ZNF382: variants seen among roughly 807,000 people sequenced by gnomAD.
ZNF382 encodes KRAB/zinc finger suppressor protein 1.
Under a neutral mutation model 38.8 loss-of-function variants are expected in ZNF382, and 20 were observed. That is an observed-to-expected ratio of 0.51 (90% CI 0.36 to 0.75). The LOEUF (loss-of-function observed/expected upper bound fraction) is 0.75, where lower values mean the gene tolerates loss of function less well. Ranked by LOEUF, ZNF382 falls within the 30% of genes least tolerant of loss-of-function variation. The pLI is 0.00. For missense variants in ZNF382, 546 were observed against 654.1 expected (o/e 0.83, Z 1.80); for synonymous variants, 202 against 223.1 (o/e 0.91, Z 0.84).
chr19:36,608,429 A>T (rs1020482866), intron 2 of ZNF382: 3 of 152,224 alleles, frequency 2.0e-5, no homozygotes, highest in African/African-American at 7.2e-5. Flanking sequence ...AAGGAAATCC[A>T]TATGCCAGGC....
intron 4 of ZNF382, among the ~76,000 whole-genome samples, chr19:36,617,010 T>C (rs1265505674): frequency 3.3e-5 from 5 of 151,658 alleles, no homozygotes; most frequent in Non-Finnish European, 5.9e-5. Flanking sequence ...AGTGGAGCAG[T>C]GGGAAAAGAG....
chr19:36,610,671 A>G lies in ZNF382; in HGVS notation c.161A>G (p.Asp54Gly). 3 of 1,613,446 alleles carry G rather than the reference A, an allele frequency of 1.9e-6. No homozygotes were observed. The highest frequency in any genetic ancestry group is 1.7e-6 in the Non-Finnish European group (2 of 1,179,608). ...TCAGGGTTTCACATGGCTAAGCCTG[A>G]TATGATCCGCAAGTTGGAACAAGGA... ...VSVGFHMAKPDMIRKLEQGEE... is the reference protein window; with the variant it reads ...VSVGFHMAKPGMIRKLEQGEE... The change falls in exon 4 of 5, where the codon GAT (aspartate) becomes GGT (glycine). Residue 54 changes from aspartate to glycine, a missense_variant. Asp to Gly is a moderately conservative substitution (Grantham distance 94, BLOSUM62 -1). Transcript: ENST00000292928.
At chr19:36,614,210 C>G (rs2037102689) in intron 4 of ZNF382, among the ~76,000 whole-genome samples, 1 of 152,056 alleles carries the variant, frequency 6.6e-6, no homozygotes, top group East Asian at 1.9e-4. Context: ...TATGGTGGCA[C>G]ATGCCTGTAG....
In ZNF382 at chr19:36,627,080, C is replaced by T; in HGVS notation, c.1183C>T (p.Leu395Phe). 1.2e-6 allele frequency: 2 copies of T among 1,614,010 alleles called. No homozygotes were observed. Among genetic ancestry groups the T allele is most frequent in the African/African-American group, 1.3e-5 (1 of 74,968 alleles). The change falls in exon 5 of 5, where the codon CTC becomes TTC. Residue 395 changes from leucine to phenylalanine, a missense_variant. By Grantham distance (22) the Leu-to-Phe change is conservative. Transcript: ENST00000292928. The stretch of plus-strand genomic sequence containing the variant: ...AAGTGCCTTTAGGAAGAAGTCATAC[C>T]TCATTGATCACCAGAGAACTCACAC... ...CGSAFRKKSYLIDHQRTHTGE... is the reference protein window; with the variant it reads ...CGSAFRKKSYFIDHQRTHTGE...
rs1358941759 is a variant in ZNF382 at position 36,628,114 on chromosome 19, C to T, written c.*564C>T. 1.3e-5 allele frequency: 2 copies of T among 152,414 alleles called. No individual in the cohort carries two copies. Among genetic ancestry groups the T allele is most frequent in the East Asian group, 3.9e-4 (2 of 5,180 alleles). 9.4% of individuals were successfully genotyped at this position (152,414 alleles called of 1,614,324 possible). On this transcript the variant is annotated 3_prime_UTR_variant, in exon 5 of 5. Coordinates refer to ENST00000292928, the MANE Select transcript of ZNF382 (RefSeq NM_032825.5). ...TACAGCTTATTACCTTCATCATGTC[C>T]GTGAGTCTAATCATTAGTACGTGTG...
intron 4 of ZNF382, among the ~76,000 whole-genome samples, chr19:36,612,270 A>G (rs1444782738): frequency 6.6e-6 from 1 of 152,202 alleles, no homozygotes; most frequent in Non-Finnish European, 1.5e-5. Context: ...TGAGAGATTT[A>G]TACATGTTTC....
Position 36,627,710 on chromosome 19 carries a change from A to ACACACAC in ZNF382, c.*160_*161insCACACAC. 5.5e-6 allele frequency: 3 copies of ACACACAC among 548,036 alleles called. No individual in the cohort carries two copies. Among genetic ancestry groups the ACACACAC allele is most frequent in the African/African-American group, 1.9e-5 (1 of 53,150 alleles). 33.9% of individuals were successfully genotyped at this position (548,036 alleles called of 1,614,324 possible). A position where few individuals can be genotyped will look rare whatever the true frequency, so the allele number is the denominator to read the frequency against. ...CACACACACACACACACACACACAC[A>ACACACAC]AATATTATTAGACAAATTAGATGAC... On this transcript the variant is annotated 3_prime_UTR_variant, in exon 5 of 5. Coordinates refer to ENST00000292928, the MANE Select transcript of ZNF382 (RefSeq NM_032825.5).
At position 36,627,021 on chromosome 19, in the gene ZNF382, C is replaced by T. The variant is rs1172673515; in HGVS notation, c.1124C>T (p.Thr375Met). Residue 375 changes from threonine to methionine, a missense_variant, in exon 5 of 5, where the codon ACG becomes ATG. Physicochemically the swap from Thr to Met is moderately conservative, Grantham distance 81 (BLOSUM62 -1). Transcript: ENST00000292928. ...ATLTRHHKTH[T>M]GEKAYECPQC... ...CTCACTAGACATCACAAAACACATA[C>T]GGGGGAGAAAGCCTATGAATGTCCT... 1.5e-5 allele frequency: 24 copies of T among 1,613,406 alleles called. No individual in the cohort carries two copies. The highest frequency in any genetic ancestry group is 1.9e-5 in the Non-Finnish European group (22 of 1,179,874).
chr19:36,619,784 G>A (rs2037154617), intron 4 of ZNF382, among the ~76,000 whole-genome samples: 1 of 151,530 alleles, frequency 6.6e-6, no homozygotes, highest in South Asian at 2.1e-4. Context: ...AGGCTGGAGT[G>A]CAGTGGCACG....
rs2037269054 is a variant in ZNF382 at position 36,633,763 on chromosome 19, C to A, written c.*6213C>A. 1 of 152,112 alleles carries A rather than the reference C, an allele frequency of 6.6e-6. No individual in the cohort carries two copies. Among genetic ancestry groups the A allele is most frequent in the Non-Finnish European group, 1.5e-5 (1 of 68,032 alleles). 9.4% of individuals were successfully genotyped at this position (152,112 alleles called of 1,614,324 possible). A position where few individuals can be genotyped will look rare whatever the true frequency, so the allele number is the denominator to read the frequency against. On this transcript the variant is annotated 3_prime_UTR_variant, in exon 5 of 5. Coordinates refer to ENST00000292928, the MANE Select transcript of ZNF382 (RefSeq NM_032825.5). ...ACTCAACGATAACAATAATGAGCTA[C>A]TGAAACATGCAGCTACATAGATGAA...
At chr19:36,626,039 GTGAGATA>G in intron 4 of ZNF382, 84 bp from the exon 5 acceptor site, 2 of 867,954 alleles carry the variant, frequency 2.3e-6, no homozygotes, top group Non-Finnish European at 3.3e-6. Flanking sequence ...GATCACGGTA[GTGAGATA>G]GTCCCACCAT....
At chr19:36,625,550 CTTT>C (rs55992712) in intron 4 of ZNF382, among the ~76,000 whole-genome samples, 1 of 137,222 alleles carries the variant, frequency 7.3e-6, no homozygotes, top group African/African-American at 2.7e-5. Flanking sequence ...GCTCACTTAT[CTTT>C]TTTTTTTTTT....
rs1446252504 is a variant in ZNF382, at chr19:36,632,713, T to C, written c.*5163T>C. On this transcript the variant is annotated 3_prime_UTR_variant, in exon 5 of 5. Transcript: ENST00000292928. ...ACATCTGGGCATCGTGGAGATAATT[T>C]TAGAGCTTTGCAGTCTGACTGTAAA... 1 of 152,196 alleles carries C rather than the reference T, an allele frequency of 6.6e-6. No individual in the cohort carries two copies. The highest frequency in any genetic ancestry group is 1.5e-5 in the Non-Finnish European group (1 of 68,038). The allele number at this position is 152,196 out of a possible 1,614,324, so 9.4% of individuals were successfully genotyped here. A position where few individuals can be genotyped will look rare whatever the true frequency, so the allele number is the denominator to read the frequency against.
chr19:36,612,438 C>T (rs2037085218), intron 4 of ZNF382, among the ~76,000 whole-genome samples: 1 of 152,164 alleles, frequency 6.6e-6, no homozygotes, highest in South Asian at 2.1e-4. Flanking sequence ...TTTTTGTGGA[C>T]ATACATGTTT....
intron 4 of ZNF382, among the ~76,000 whole-genome samples, chr19:36,617,085 G>T (rs2037131634): frequency 6.6e-6 from 1 of 152,114 alleles, no homozygotes. Context: ...AGGAAGTAGA[G>T]GGAGTTGGCA....
intron 2 of ZNF382, chr19:36,608,600 CA>C (rs920682597): frequency 6.6e-6 from 1 of 152,138 alleles, no homozygotes; most frequent in Non-Finnish European, 1.5e-5. Flanking sequence ...TCTCTACGCA[CA>C]ATCAGATTCA....
At chr19:36,625,602 C>G (rs976328496) in intron 4 of ZNF382, among the ~76,000 whole-genome samples, 2 of 151,396 alleles carry the variant, frequency 1.3e-5, no homozygotes, top group African/African-American at 4.9e-5. Context: ...TCTTGTTGCC[C>G]AGGCTGGAGT....
chr19:36,621,944 A>G (rs1330660767), intron 4 of ZNF382, among the ~76,000 whole-genome samples: 2 of 152,136 alleles, frequency 1.3e-5, no homozygotes, highest in Non-Finnish European at 2.9e-5. Context: ...TAGAGGGTAC[A>G]GTAATCCATC....
At chr19:36,607,644 T>G (rs2037045159) in intron 2 of ZNF382, 22 bp downstream of exon 2, 1 of 1,513,486 alleles carries the variant, frequency 6.6e-7, no homozygotes, top group Admixed American at 2.2e-5. Flanking sequence ...TTTCCTCTCT[T>G]TCTGAAATAA....
Sources: gnomAD v4.1 joint callset for allele counts (sites outside exome capture counted in the v4.1 genomes callset) on GRCh38, gnomAD v4.1.1 for gene constraint, MANE v1.5 for transcripts, NCBI Gene and HGNC (gene_info 2026-07-23, HGNC 2026-07-21) for gene names.